FLT1: variants seen among roughly 807,000 people sequenced by gnomAD.
The protein encoded by FLT1 is fms related receptor tyrosine kinase 1, also known as vascular endothelial growth factor receptor 1.
In FLT1, 49 loss-of-function variants were observed where a neutral mutation model predicts 156.3. The observed-to-expected ratio is 0.31, with a 90% CI of 0.25 to 0.40. The LOEUF (loss-of-function observed/expected upper bound fraction) is 0.40. Among genes scored for constraint, FLT1 ranks in the 10% least tolerant of loss-of-function variants. The probability of loss-of-function intolerance (pLI) is 1.00; values close to 1 mark genes in which losing one functional copy is unlikely to be tolerated. For synonymous variants in FLT1, 594 were observed against 583.8 expected (o/e 1.02, Z -0.25); for missense variants, 1,322 against 1,637.2 (o/e 0.81, Z 3.32).
chr13:28,357,134 T>C (rs1872925646), intron 15 of FLT1, among the ~76,000 whole-genome samples: 1 of 152,198 alleles, frequency 6.6e-6, no homozygotes, highest in Non-Finnish European at 1.5e-5. Flanking sequence ...TCCTGGGAAT[T>C]AGAAAAGGAA....
In FLT1 at chr13:28,369,255, T is replaced by C. The variant is rs186195392; in HGVS notation, c.2117-11570A>G. On this transcript the variant is annotated intron_variant, in intron 14 of 29. Coordinates refer to ENST00000282397, the MANE Select transcript of FLT1 (RefSeq NM_002019.4). Reference sequence around the variant, plus strand: ...ATTGGAAAATGAAGGCCAGGCACGGTGGCTCACGCTTATAGTTCCAACACT... The same window carrying C: ...ATTGGAAAATGAAGGCCAGGCACGGCGGCTCACGCTTATAGTTCCAACACT... Among the ~76,000 whole-genome samples the C allele has an allele frequency of 1.6e-3, 244 of 152,290 alleles. 1 individual carries two copies. The highest frequency in any genetic ancestry group is 5.5e-3 in the African/African-American group (228 of 41,562).
intron 13 of FLT1, chr13:28,386,003 C>T (rs1874339518): frequency 1.0e-5 from 11 of 1,051,846 alleles, no homozygotes; most frequent in Non-Finnish European, 1.3e-5. Flanking sequence ...TCATTCCTTT[C>T]CCCTCTTGTT....
intron 10 of FLT1, among the ~76,000 whole-genome samples, chr13:28,418,559 A>G (rs149828212): frequency 1.1e-4 from 16 of 152,142 alleles, no homozygotes; most frequent in African/African-American, 3.1e-4. Flanking sequence ...AGACCAATCT[A>G]TCTAGCCCCT....
At chr13:28,407,529 T>C (rs1055716254) in intron 10 of FLT1, among the ~76,000 whole-genome samples, 1 of 152,324 alleles carries the variant, frequency 6.6e-6, no homozygotes, top group Admixed American at 6.5e-5. Context: ...ATTTTTCCAA[T>C]ATAACCACAA....
chr13:28,413,744 G>C (rs1373004103), intron 10 of FLT1, among the ~76,000 whole-genome samples: 1 of 152,206 alleles, frequency 6.6e-6, no homozygotes, highest in Admixed American at 6.5e-5. Flanking sequence ...AAAAGGAAGA[G>C]AACAGCTTAC....
chr13:28,365,421 C>T (rs373111776), intron 14 of FLT1, among the ~76,000 whole-genome samples: 4 of 151,698 alleles, frequency 2.6e-5, no homozygotes, highest in African/African-American at 4.8e-5. Context: ...GGTGCAATCT[C>T]GGCTCACTGC....
chr13:28,327,662 G>A, intron 19 of FLT1, 112 bp from the exon 20 acceptor site: 2 of 742,946 alleles, frequency 2.7e-6, no homozygotes, highest in Non-Finnish European at 4.9e-6. Context: ...GTATTAGTGG[G>A]GCGAAGGGAT....
intron 25 of FLT1, among the ~76,000 whole-genome samples, chr13:28,316,319 T>C (rs1871202162): frequency 6.6e-6 from 1 of 152,226 alleles, no homozygotes; most frequent in African/African-American, 2.4e-5. Context: ...TTCCCTCTGA[T>C]TCCTTCTGAA....
At chr13:28,415,192 C>T (rs1331809996) in intron 10 of FLT1, among the ~76,000 whole-genome samples, 1 of 152,172 alleles carries the variant, frequency 6.6e-6, no homozygotes, top group East Asian at 1.9e-4. Flanking sequence ...ATAATAGCAC[C>T]ACTTTGCCCG....
At chr13:28,409,759 G>C (rs1332046750) in intron 10 of FLT1, among the ~76,000 whole-genome samples, 1 of 151,964 alleles carries the variant, frequency 6.6e-6, no homozygotes, top group Non-Finnish European at 1.5e-5. Context: ...ACCATCATGT[G>C]ACAAGAAATT....
chr13:28,410,415 C>A (rs1352314747), intron 10 of FLT1, among the ~76,000 whole-genome samples: 3 of 152,182 alleles, frequency 2.0e-5, no homozygotes, highest in African/African-American at 7.2e-5. Context: ...TTTAGCCTTT[C>A]TAGAAATTGC....
chr13:28,459,172 T>C, intron 3 of FLT1, among the ~76,000 whole-genome samples: 1 of 152,208 alleles, frequency 6.6e-6, no homozygotes, highest in East Asian at 1.9e-4. Flanking sequence ...GAATCTCACC[T>C]GGGTTTCCAG....
chr13:28,428,146 C>T lies in FLT1; in HGVS notation c.1107-225G>A, dbSNP rs371399743. ...GGCAAGGAAGAAGAAATAAAGCGAG[C>T]GAAGATAGAAAAGCAGTAGCTTAGT... On this transcript the variant is annotated intron_variant, in intron 8 of 29. Transcript: ENST00000282397. Among the ~76,000 whole-genome samples the T allele has an allele frequency of 1.1e-4, 17 of 152,088 alleles. No homozygotes were observed. The South Asian group carries it at 3.5e-3, about 32-fold the overall frequency.
Position 28,313,713 on chromosome 13 carries a change from G to C in FLT1, c.3387-1615C>G, listed in dbSNP as rs551475745. ...ACTGCAGACATTACTTGTGCTGGGA[G>C]ATGGCGGTTGCTGGGGAAAAAACCT... On this transcript the variant is annotated intron_variant, in intron 25 of 29. Coordinates refer to ENST00000282397, the MANE Select transcript of FLT1 (RefSeq NM_002019.4). Among the ~76,000 whole-genome samples, 23 of 152,316 alleles carry C rather than the reference G, an allele frequency of 1.5e-4. No homozygotes were observed. In the East Asian group the frequency reaches 4.4e-3, roughly 29 times the overall value.
At chr13:28,421,501 C>T (rs1172304260) in intron 10 of FLT1, among the ~76,000 whole-genome samples, 3 of 151,832 alleles carry the variant, frequency 2.0e-5, no homozygotes, top group East Asian at 1.9e-4. Context: ...GCGGAAAATA[C>T]GGCTTGGCCC....
intron 1 of FLT1, among the ~76,000 whole-genome samples, chr13:28,473,745 G>A (rs56782806): frequency 2.9e-4 from 18 of 61,960 alleles, no homozygotes; most frequent in African/African-American, 7.5e-4. Context: ...AAGGAAGGAA[G>A]GAAGGAAGGA....
In FLT1 at chr13:28,465,318, G is replaced by A. The variant is rs550465581; in HGVS notation, c.388+1585C>T. 3.0e-4 allele frequency among the ~76,000 whole-genome samples: 46 copies of A among 152,234 alleles called. No homozygotes were observed. The South Asian group carries it at 9.3e-3, about 31-fold the overall frequency. ...TGACGGCAAACTGCTTGGATGGTTA[G>A]TCCCTTACAGTTATCTACCCCCTGG... is the stretch of plus-strand genomic sequence containing the variant. On this transcript the variant is annotated intron_variant, in intron 3 of 29. Transcript: ENST00000282397.
intron 28 of FLT1, among the ~76,000 whole-genome samples, chr13:28,307,232 G>A (rs374369719): frequency 3.3e-5 from 5 of 152,080 alleles, no homozygotes; most frequent in African/African-American, 1.2e-4. Flanking sequence ...CCAGCCCTTG[G>A]TCATGGTCTC....
chr13:28,472,804 T>C (rs1185898078), intron 1 of FLT1, among the ~76,000 whole-genome samples: 1 of 152,178 alleles, frequency 6.6e-6, no homozygotes, highest in Non-Finnish European at 1.5e-5. Flanking sequence ...AGGGTTCGGT[T>C]TTTAGGATCC....
Sources: gnomAD v4.1 joint callset for allele counts (sites outside exome capture counted in the v4.1 genomes callset) on GRCh38, gnomAD v4.1.1 for gene constraint, MANE v1.5 for transcripts, NCBI Gene and HGNC (gene_info 2026-07-23, HGNC 2026-07-21) for gene names.